The following TMEM135 variants were observed in gnomAD, a reference collection of about 807,000 sequenced individuals.
The protein encoded by TMEM135 is transmembrane protein 135, also known as peroxisomal membrane protein 52.
Under a neutral mutation model 60.3 loss-of-function variants are expected in TMEM135, and 30 were observed. The ratio of observed to expected loss-of-function variants is 0.50; its 90% CI spans 0.37 to 0.68. The LOEUF (loss-of-function observed/expected upper bound fraction) is 0.68. TMEM135 is among the 30% of genes least tolerant of loss of function. The pLI, the probability that TMEM135 is intolerant of heterozygous loss-of-function variation, is 0.00. For synonymous variants in TMEM135, 190 were observed against 186.7 expected (o/e 1.02, Z -0.14); for missense variants, 468 against 548.8 (o/e 0.85, Z 1.47).
intron 4 of TMEM135, among the ~76,000 whole-genome samples, chr11:87,153,561 C>T (rs904421351): frequency 6.6e-6 from 1 of 152,178 alleles, no homozygotes; most frequent in Non-Finnish European, 1.5e-5. Flanking sequence ...TTGATTTACT[C>T]TATTTAAAAT....
intron 5 of TMEM135, among the ~76,000 whole-genome samples, chr11:87,172,496 A>AT (rs150436187): frequency 2.0e-5 from 3 of 151,244 alleles, no homozygotes; most frequent in Non-Finnish European, 4.4e-5. Flanking sequence ...ATTAGAATGG[A>AT]TTTTTTTTAA....
chr11:87,123,328 G>A lies in TMEM135; in HGVS notation c.396+31933G>A, dbSNP rs561413819. ...CCTCTTTGAGCTTCTGGTAGATCCT[G>A]GGAATCCTTGGTGTTCCTTGGTTTA... On this transcript the variant is annotated intron_variant, in intron 4 of 14. Transcript: ENST00000305494. 3.3e-5 allele frequency among the ~76,000 whole-genome samples: 5 copies of A among 152,246 alleles called. No individual in the cohort carries two copies. In the South Asian group the frequency reaches 1.0e-3, roughly 32 times the overall value.
intron 7 of TMEM135, among the ~76,000 whole-genome samples, chr11:87,299,718 A>C (rs965745814): frequency 1.3e-5 from 2 of 152,182 alleles, no homozygotes; most frequent in Non-Finnish European, 2.9e-5. Context: ...ATTAATTTTA[A>C]CTGTGCTGAA....
chr11:87,219,674 T>C (rs757529785), intron 5 of TMEM135, among the ~76,000 whole-genome samples: 14 of 152,216 alleles, frequency 9.2e-5, no homozygotes, highest in Non-Finnish European at 1.5e-4. Flanking sequence ...TACAGGTGCA[T>C]TGGGGATTAG....
intron 5 of TMEM135, among the ~76,000 whole-genome samples, chr11:87,179,954 TG>T (rs1282617413): frequency 3.3e-5 from 5 of 152,128 alleles, no homozygotes; most frequent in African/African-American, 9.7e-5. Flanking sequence ...TTGTTGTTGT[TG>T]TTTTCTCTGC....
intron 7 of TMEM135, among the ~76,000 whole-genome samples, chr11:87,296,056 T>G (rs892573929): frequency 1.3e-5 from 2 of 152,214 alleles, no homozygotes; most frequent in African/African-American, 2.4e-5. Context: ...TGCTTTCTAC[T>G]GTGGGGTATT....
chr11:87,227,590 T>G (rs576286614), intron 5 of TMEM135, among the ~76,000 whole-genome samples: 36 of 152,242 alleles, frequency 2.4e-4, no homozygotes, highest in South Asian at 6.2e-4. Flanking sequence ...ATGGGAGATT[T>G]TAATTAAACA....
intron 3 of TMEM135, among the ~76,000 whole-genome samples, chr11:87,087,861 C>T (rs373752272): frequency 7.9e-5 from 12 of 152,088 alleles, no homozygotes; most frequent in Admixed American, 2.0e-4. Context: ...CTCAGCCTCC[C>T]GAGTAGCTGG....
intron 4 of TMEM135, among the ~76,000 whole-genome samples, chr11:87,120,104 T>TCGTC (rs1858006449): frequency 6.9e-5 from 6 of 87,294 alleles, no homozygotes; most frequent in Non-Finnish European, 1.5e-4. Flanking sequence ...AGTCTGTTTT[T>TCGTC]TTCTTCTTCT....
intron 4 of TMEM135, among the ~76,000 whole-genome samples, chr11:87,108,228 T>C (rs1159537659): frequency 6.6e-6 from 1 of 152,228 alleles, no homozygotes; most frequent in African/African-American, 2.4e-5. Context: ...TTCACTATGA[T>C]GATAGTTTCT....
In TMEM135 at chr11:87,289,560, G is replaced by A. The variant is rs374662943; in HGVS notation, c.510-6222G>A. ...CAACCTCCATCTCCCAGGTTCAACC[G>A]ATTCTCCTGCCTCAGCCTCCCGAGT... On this transcript the variant is annotated intron_variant, in intron 6 of 14. Coordinates refer to ENST00000305494, the MANE Select transcript of TMEM135 (RefSeq NM_022918.4). 2.7e-4 allele frequency among the ~76,000 whole-genome samples: 39 copies of A among 143,670 alleles called. No homozygotes were observed. The East Asian group carries it at 6.8e-3, about 25-fold the overall frequency. The allele number at this position is 143,670 out of a possible 152,430, so 94.3% of individuals were successfully genotyped here. A position where few individuals can be genotyped will look rare whatever the true frequency, so the allele number is the denominator to read the frequency against.
rs980649164 is a variant in TMEM135, at chr11:87,328,451, C to T, written c.*7118C>T. On this transcript the variant is annotated 3_prime_UTR_variant, in exon 15 of 15. Coordinates refer to ENST00000305494, the MANE Select transcript of TMEM135 (RefSeq NM_022918.4). Reference sequence around the variant, plus strand: ...TGGTGAAGTCTGAAATTTTAGTGCACCTGTCACCAGAATAGTGTGCATTGT... The same window carrying T: ...TGGTGAAGTCTGAAATTTTAGTGCATCTGTCACCAGAATAGTGTGCATTGT... 2.0e-5 allele frequency: 9 copies of T among 453,920 alleles called. No individual in the cohort carries two copies. The highest frequency in any genetic ancestry group is 3.1e-5 in the South Asian group (2 of 64,478). 28.1% of individuals were successfully genotyped at this position (453,920 alleles called of 1,614,324 possible). A position where few individuals can be genotyped will look rare whatever the true frequency, so the allele number is the denominator to read the frequency against.
intron 4 of TMEM135, among the ~76,000 whole-genome samples, chr11:87,134,086 CTG>C (rs1289353999): frequency 6.6e-6 from 1 of 151,924 alleles, no homozygotes; most frequent in African/African-American, 2.4e-5. Context: ...GTAACACAGA[CTG>C]TGTGGCTTAA....
At chr11:87,088,011 T>A (rs2135164175) in intron 3 of TMEM135, among the ~76,000 whole-genome samples, 1 of 152,274 alleles carries the variant, frequency 6.6e-6, no homozygotes, top group South Asian at 2.1e-4. Context: ...GTGTTGGGAT[T>A]ACAGGTGTGA....
intron 1 of TMEM135, among the ~76,000 whole-genome samples, chr11:87,057,889 G>T (rs1285529153): frequency 6.6e-6 from 1 of 151,962 alleles, no homozygotes. Context: ...TCTGCAGTTG[G>T]CATGCTGGAG....
At chr11:87,225,291 A>G (rs971968693) in intron 5 of TMEM135, among the ~76,000 whole-genome samples, 1 of 152,086 alleles carries the variant, frequency 6.6e-6, no homozygotes, top group Non-Finnish European at 1.5e-5. Context: ...TCTCATCTCT[A>G]AAGTAGGGGT....
intron 6 of TMEM135, among the ~76,000 whole-genome samples, chr11:87,287,194 G>C (rs1196433437): frequency 2.0e-5 from 3 of 152,140 alleles, no homozygotes; most frequent in South Asian, 2.1e-4. Flanking sequence ...AGTACAAATA[G>C]AGTAGCTCTT....
At chr11:87,207,644 A>G (rs1384579968) in intron 5 of TMEM135, among the ~76,000 whole-genome samples, 1 of 152,220 alleles carries the variant, frequency 6.6e-6, no homozygotes, top group Non-Finnish European at 1.5e-5. Flanking sequence ...CGTACAAGGT[A>G]TGCATTCTTA....
intron 6 of TMEM135, among the ~76,000 whole-genome samples, chr11:87,288,729 A>C (rs890280666): frequency 1.3e-5 from 2 of 152,368 alleles, no homozygotes; most frequent in Admixed American, 6.5e-5. Flanking sequence ...ATTGTAGAGA[A>C]GTTATGAGTA....
Sources: allele counts gnomAD v4.1 joint callset (sites outside exome capture counted in the v4.1 genomes callset), GRCh38; gene constraint gnomAD v4.1.1; transcripts MANE v1.5; gene names NCBI Gene and HGNC (gene_info 2026-07-23, HGNC 2026-07-21).